The following LRIG2 variants were observed in gnomAD, a reference collection of about 807,000 sequenced individuals.
LRIG2 encodes leucine-rich repeats and immunoglobulin-like domains protein 2.
Under a neutral mutation model 107.8 loss-of-function variants are expected in LRIG2, and 93 were observed. The ratio of observed to expected loss-of-function variants is 0.86; its 90% confidence interval spans 0.73 to 1.03. The LOEUF (loss-of-function observed/expected upper bound fraction) is 1.03, where lower values mean the gene tolerates loss of function less well. LRIG2 is among the 50% of genes least tolerant of loss of function. The probability of loss-of-function intolerance (pLI) is 0.00; values close to 1 mark genes in which losing one functional copy is unlikely to be tolerated. For synonymous variants in LRIG2, 471 were observed against 470.6 expected (o/e 1.00, Z -0.01); for missense variants, 1,226 against 1,296.0 (o/e 0.95, Z 0.83).
At chr1:113,098,558 G>C (rs1654166861) in intron 8 of LRIG2, 147 bp from the exon 9 acceptor site, 1 of 584,794 alleles carries the variant, frequency 1.7e-6, no homozygotes, top group African/African-American at 1.8e-5. Context: ...TTCTTAAGAA[G>C]CAGAGTTGAG....
intron 1 of LRIG2, among the ~76,000 whole-genome samples, chr1:113,085,793 T>C (rs1183241942): frequency 6.6e-6 from 1 of 152,146 alleles, no homozygotes; most frequent in East Asian, 1.9e-4. Context: ...AAGTAGCCTG[T>C]TACAGAAAGG....
In LRIG2 at chr1:113,116,286, GA is replaced by G. The variant is rs759558913; in HGVS notation, c.2531del (p.Glu844GlyfsTer57). On this transcript the variant is annotated frameshift_variant and splice_region_variant, in exon 16 of 18. Coordinates refer to ENST00000361127, the MANE Select transcript of LRIG2 (RefSeq NM_014813.3). LOFTEE classifies it high-confidence loss of function. Reference sequence around the variant, plus strand: ...GAGAGTTAAAAATGTCTCTTTTACAGAGGAGCTCAATCTGCCTGCAGACATT... The same window carrying G: ...GAGAGTTAAAAATGTCTCTTTTACAGGGAGCTCAATCTGCCTGCAGACATT... ...KNEDYSITNT[E>X]ELNLPADIPS... 1 of 1,611,224 alleles carries G rather than the reference GA, an allele frequency of 6.2e-7. No homozygotes were observed. The highest frequency in any genetic ancestry group is 2.2e-5 in the East Asian group (1 of 44,802).
At chr1:113,090,816 C>T (rs1490779325) in intron 1 of LRIG2, among the ~76,000 whole-genome samples, 30 of 149,700 alleles carry the variant, frequency 2.0e-4, no homozygotes, top group Non-Finnish European at 2.5e-4. Flanking sequence ...CCAGCCTGGG[C>T]GACAGAGCGA....
intron 11 of LRIG2, among the ~76,000 whole-genome samples, chr1:113,102,635 G>C (rs1654357982): frequency 6.6e-6 from 1 of 151,370 alleles, no homozygotes. Flanking sequence ...TGTTGTTCTT[G>C]AAAAGCATAT....
intron 1 of LRIG2, among the ~76,000 whole-genome samples, chr1:113,081,876 C>G (rs1653304078): frequency 6.6e-6 from 1 of 152,182 alleles, no homozygotes; most frequent in South Asian, 2.1e-4. Context: ...ATGTCTCTCA[C>G]ATAATCTCAT....
intron 14 of LRIG2, 104 bp downstream of exon 14, chr1:113,112,864 CT>C: frequency 9.1e-7 from 1 of 1,095,744 alleles, no homozygotes; most frequent in Non-Finnish European, 1.3e-6. Context: ...CTCTGTGATT[CT>C]TAGATCTTTA....
Position 113,127,247 on chromosome 1 carries a change from T to G in LRIG2, c.*3146T>G, listed in dbSNP as rs1655515971. On this transcript the variant is annotated 3_prime_UTR_variant, in exon 18 of 18. Coordinates refer to ENST00000361127, the MANE Select transcript of LRIG2 (RefSeq NM_014813.3). ...TTCTTTATTATTATTTGAGATGGAG[T>G]CCCTCTCGGTCACCCAGGCTGGAGC... The G allele has an allele frequency of 6.6e-6, 1 of 152,032 alleles. No individual in the cohort carries two copies. The highest frequency in any genetic ancestry group is 6.6e-5 in the Admixed American group (1 of 15,238). 9.4% of individuals were successfully genotyped at this position (152,032 alleles called of 1,614,324 possible).
intron 6 of LRIG2, among the ~76,000 whole-genome samples, chr1:113,095,077 A>T (rs1211825094): frequency 7.3e-5 from 11 of 150,556 alleles, no homozygotes; most frequent in Admixed American, 7.3e-4. Flanking sequence ...GGTTCAAGTG[A>T]CTCTCCTGTC....
intron 11 of LRIG2, among the ~76,000 whole-genome samples, chr1:113,102,549 C>CA (rs1482506723): frequency 6.6e-6 from 1 of 152,034 alleles, no homozygotes. Flanking sequence ...GGATTACAGG[C>CA]ATGAGCCACC....
At chr1:113,086,107 C>A (rs989435677) in intron 1 of LRIG2, among the ~76,000 whole-genome samples, 1 of 147,274 alleles carries the variant, frequency 6.8e-6, no homozygotes. Flanking sequence ...CCTGTTCAAG[C>A]GATTCTCCTA....
At chr1:113,117,893 C>T (rs1256011316) in intron 16 of LRIG2, among the ~76,000 whole-genome samples, 5 of 150,322 alleles carry the variant, frequency 3.3e-5, no homozygotes, top group Non-Finnish European at 7.4e-5. Context: ...CCAATTCTAA[C>T]ATTCTGTTGC....
Position 113,113,353 on chromosome 1 carries a change from G to A in LRIG2, c.2080+593G>A, listed in dbSNP as rs372189411. On this transcript the variant is annotated intron_variant, in intron 14 of 17. Transcript: ENST00000361127. ...GGCCTGGGTTTTTTTTGTTGTTGTT[G>A]TTTGTTTGTTTTGTTTTTTCTTCCT... is the stretch of plus-strand genomic sequence containing the variant. 2.3e-3 allele frequency among the ~76,000 whole-genome samples: 342 copies of A among 150,572 alleles called. 1 individual carries two copies. The highest frequency in any genetic ancestry group is 8.0e-3 in the African/African-American group (327 of 41,032).
At position 113,129,917 on chromosome 1, in the gene LRIG2, G is replaced by A. The variant is rs1198049808; in HGVS notation, c.*5816G>A. On this transcript the variant is annotated 3_prime_UTR_variant, in exon 18 of 18. Coordinates refer to ENST00000361127, the MANE Select transcript of LRIG2 (RefSeq NM_014813.3). ...CTTGTACTTTTTTTTTTGAGACAGG[G>A]TTTCACCCTGTCAGCCAGGCTGGAG... is the stretch of plus-strand genomic sequence containing the variant. 1 of 152,110 alleles carries A rather than the reference G, an allele frequency of 6.6e-6. No homozygotes were observed. The highest frequency in any genetic ancestry group is 1.9e-4 in the East Asian group (1 of 5,174). 9.4% of individuals were successfully genotyped at this position (152,110 alleles called of 1,614,324 possible).
chr1:113,098,821 C>T (rs909286320), intron 9 of LRIG2, 36 bp downstream of exon 9: 1 of 1,256,210 alleles, frequency 8.0e-7, no homozygotes, highest in Non-Finnish European at 1.2e-6. Context: ...TCTACATAGG[C>T]ATGTTTTCAA....
chr1:113,100,619 T>C, intron 11 of LRIG2, 131 bp downstream of exon 11: 4 of 557,092 alleles, frequency 7.2e-6, no homozygotes, highest in Non-Finnish European at 1.3e-5. Flanking sequence ...AAAGTATTAA[T>C]ACTCAGTTAT....
chr1:113,077,948 A>G (rs949986800), intron 1 of LRIG2, among the ~76,000 whole-genome samples: 1 of 130,540 alleles, frequency 7.7e-6, no homozygotes, highest in African/African-American at 3.0e-5. Context: ...ATGTGTTCTC[A>G]TTGTTCATTT....
chr1:113,126,234 C>T lies in LRIG2; in HGVS notation c.*2133C>T, dbSNP rs1015975501. ...TCTAGAAAATCTCTGTCTCATTTACCAGGGGTCATTCAAAAGTCTGAGATG... is the reference window on the plus strand; with the variant it reads ...TCTAGAAAATCTCTGTCTCATTTACTAGGGGTCATTCAAAAGTCTGAGATG... On this transcript the variant is annotated 3_prime_UTR_variant, in exon 18 of 18. Coordinates refer to ENST00000361127, the MANE Select transcript of LRIG2 (RefSeq NM_014813.3). 2 of 152,148 alleles carry T rather than the reference C, an allele frequency of 1.3e-5. No homozygotes were observed. Among genetic ancestry groups the T allele is most frequent in the East Asian group, 3.8e-4 (2 of 5,196 alleles). The allele number at this position is 152,148 out of a possible 1,614,324, so 9.4% of individuals were successfully genotyped here.
At chr1:113,107,563 A>G in intron 11 of LRIG2, 31 bp from the exon 12 acceptor site, 1 of 1,595,344 alleles carries the variant, frequency 6.3e-7, no homozygotes, top group South Asian at 1.1e-5. Flanking sequence ...AAGTAAAACA[A>G]AGGATGCTTT....
chr1:113,075,692 C>CTTT (rs34293194), intron 1 of LRIG2, among the ~76,000 whole-genome samples: 37 of 117,704 alleles, frequency 3.1e-4, no homozygotes, highest in Non-Finnish European at 4.3e-4. Flanking sequence ...GTGGCCTATA[C>CTTT]TTTTTTTTTT....
Sources: gnomAD v4.1 joint callset for allele counts (sites outside exome capture counted in the v4.1 genomes callset) on GRCh38, gnomAD v4.1.1 for gene constraint, MANE v1.5 for transcripts, NCBI Gene and HGNC (gene_info 2026-07-23, HGNC 2026-07-21) for gene names.